The following ZBTB7C variants were observed in gnomAD, a reference collection of about 807,000 sequenced individuals.
ZBTB7C encodes the protein zinc finger and BTB domain containing 7C.
A neutral mutation model predicts 25.7 loss-of-function variants in ZBTB7C; 8 were observed. The observed-to-expected ratio is 0.31, with a 90% CI of 0.18 to 0.56. The LOEUF (loss-of-function observed/expected upper bound fraction) is 0.56. ZBTB7C is among the 20% of genes least tolerant of loss of function. The pLI is 0.91. For synonymous variants in ZBTB7C, 394 were observed against 369.0 expected (o/e 1.07, Z -0.78); for missense variants, 824 against 855.2 (o/e 0.96, Z 0.46).
At chr18:48,065,118 C>T (rs887213121) in intron 3 of ZBTB7C, among the ~76,000 whole-genome samples, 13 of 152,190 alleles carry the variant, frequency 8.5e-5, no homozygotes, top group Admixed American at 1.3e-4. Flanking sequence ...TCCCAGTGCC[C>T]CCCGCCCCCT....
intron 2 of ZBTB7C, among the ~76,000 whole-genome samples, chr18:48,301,523 G>A (rs1316745920): frequency 6.6e-6 from 1 of 152,150 alleles, no homozygotes; most frequent in South Asian, 2.1e-4. Context: ...AGGGGGCTGA[G>A]GGAGGAGTGG....
At chr18:48,254,676 T>C (rs1027873347) in intron 2 of ZBTB7C, among the ~76,000 whole-genome samples, 2 of 152,142 alleles carry the variant, frequency 1.3e-5, no homozygotes, top group Non-Finnish European at 2.9e-5. Flanking sequence ...CAGCTTCCAC[T>C]TTACCCTGCA....
intron 3 of ZBTB7C, among the ~76,000 whole-genome samples, chr18:48,088,961 C>T (rs1199047467): frequency 1.3e-5 from 2 of 152,146 alleles, no homozygotes; most frequent in Non-Finnish European, 2.9e-5. Context: ...CAATGGGCAG[C>T]CACTAAAGAT....
At chr18:48,205,757 A>G (rs929625643) in intron 2 of ZBTB7C, among the ~76,000 whole-genome samples, 1 of 152,060 alleles carries the variant, frequency 6.6e-6, no homozygotes, top group African/African-American at 2.4e-5. Flanking sequence ...TGAAATGACT[A>G]CTAGGTCAAT....
intron 3 of ZBTB7C, among the ~76,000 whole-genome samples, chr18:48,075,154 G>A (rs1830507757): frequency 1.3e-5 from 2 of 152,132 alleles, no homozygotes; most frequent in South Asian, 4.2e-4. Flanking sequence ...CACCCACAGT[G>A]CTACAGGCAT....
At position 48,040,448 on chromosome 18, in the gene ZBTB7C, C is replaced by A. The variant is rs199686439; in HGVS notation, c.660G>T (p.Gly220=). ...ATTCGATGGAGAAGTCCCGGATCACCCCCAGATGGCCAGGACTGCCAGCCT... is the reference window on the plus strand; with the variant it reads ...ATTCGATGGAGAAGTCCCGGATCACACCCAGATGGCCAGGACTGCCAGCCT... The part of the protein sequence containing the change: ...SFQAGSPGHL[G]VIRDFSIESL... Residue 220 remains glycine (G), a synonymous_variant, in exon 4 of 5, where the codon GGG becomes GGT. Transcript: ENST00000590800. 312 of 1,607,094 alleles carry A rather than the reference C, an allele frequency of 1.9e-4. 2 individuals carry two copies. Among genetic ancestry groups the A allele is most frequent in the Non-Finnish European group, 4.5e-5 (53 of 1,176,434 alleles).
intron 1 of ZBTB7C, among the ~76,000 whole-genome samples, chr18:48,385,965 T>C (rs1285579021): frequency 1.3e-5 from 2 of 152,170 alleles, no homozygotes; most frequent in African/African-American, 4.8e-5. Context: ...CCCCTTATGG[T>C]TAGTCACAGA....
intron 2 of ZBTB7C, among the ~76,000 whole-genome samples, chr18:48,220,142 C>T (rs2042915129): frequency 6.9e-6 from 1 of 144,734 alleles, no homozygotes; most frequent in Admixed American, 7.0e-5. Context: ...AGTTCACACA[C>T]TCAGAAACTT....
intron 3 of ZBTB7C, among the ~76,000 whole-genome samples, chr18:48,178,664 C>T (rs1300603736): frequency 1.3e-5 from 2 of 152,224 alleles, no homozygotes; most frequent in African/African-American, 4.8e-5. Context: ...AAAATATTAG[C>T]TGATGCCTGT....
rs2042292937 is a variant in ZBTB7C, at chr18:48,195,338, G to A, written c.-78-9343C>T. On this transcript the variant is annotated intron_variant, in intron 2 of 4. Coordinates refer to ENST00000590800, the MANE Select transcript of ZBTB7C (RefSeq NM_001318841.2). ...CCCCACGTGTTGTGGGAGGGATGTG[G>A]TGGGAGGTAATTGAATCATGGGGGC... Among the ~76,000 whole-genome samples the A allele has an allele frequency of 9.2e-5, 14 of 152,294 alleles. No homozygotes were observed. The South Asian group carries it at 2.9e-3, about 32-fold the overall frequency.
chr18:48,049,334 G>A (rs1168461755), intron 3 of ZBTB7C, among the ~76,000 whole-genome samples: 2 of 152,142 alleles, frequency 1.3e-5, no homozygotes, highest in African/African-American at 2.4e-5. Context: ...GGATCTCGCC[G>A]AGTGGTATGT....
At chr18:48,032,069 C>T (rs2035774021) in intron 4 of ZBTB7C, among the ~76,000 whole-genome samples, 1 of 152,146 alleles carries the variant, frequency 6.6e-6, no homozygotes, top group African/African-American at 2.4e-5. Context: ...TTAAATGCAT[C>T]ATCTCATTAC....
intron 3 of ZBTB7C, among the ~76,000 whole-genome samples, chr18:48,113,299 T>A (rs73956497): frequency 0.079 from 11,968 of 152,304 alleles, 1,386 homozygotes; most frequent in African/African-American, 0.26. Flanking sequence ...GTCTTTCTTG[T>A]ATGGTTATGG....
chr18:48,158,887 C>G (rs775864358), intron 3 of ZBTB7C, among the ~76,000 whole-genome samples: 1 of 152,200 alleles, frequency 6.6e-6, no homozygotes, highest in African/African-American at 2.4e-5. Flanking sequence ...GGGGAAGGGA[C>G]AGGCTACAGG....
intron 3 of ZBTB7C, among the ~76,000 whole-genome samples, chr18:48,055,223 A>C (rs966334259): frequency 6.6e-6 from 1 of 151,796 alleles, no homozygotes; most frequent in Non-Finnish European, 1.5e-5. Context: ...CAGCCTGGCC[A>C]TCATGGTGAA....
chr18:48,250,202 A>G (rs2043806661), intron 2 of ZBTB7C, among the ~76,000 whole-genome samples: 1 of 152,212 alleles, frequency 6.6e-6, no homozygotes, highest in Non-Finnish European at 1.5e-5. Context: ...GCACAGCTTC[A>G]TAGCATAGAA....
At chr18:48,124,586 G>A (rs1032480214) in intron 3 of ZBTB7C, among the ~76,000 whole-genome samples, 3 of 152,166 alleles carry the variant, frequency 2.0e-5, no homozygotes, top group African/African-American at 7.2e-5. Flanking sequence ...GCACCTGCAG[G>A]GGTTTGGAGA....
chr18:48,227,137 A>G (rs532825607), intron 2 of ZBTB7C, among the ~76,000 whole-genome samples: 2 of 152,308 alleles, frequency 1.3e-5, no homozygotes, highest in African/African-American at 4.8e-5. Context: ...TCAAGCCCCA[A>G]GGAGAGCCAG....
chr18:48,162,772 C>T (rs2041110195), intron 3 of ZBTB7C, among the ~76,000 whole-genome samples: 1 of 152,186 alleles, frequency 6.6e-6, no homozygotes, highest in South Asian at 2.1e-4. Flanking sequence ...AGATAATGTA[C>T]AGGGAGTGCC....
Sources: allele counts gnomAD v4.1 joint callset (sites outside exome capture counted in the v4.1 genomes callset), GRCh38; gene constraint gnomAD v4.1.1; transcripts MANE v1.5; gene names NCBI Gene and HGNC (gene_info 2026-07-23, HGNC 2026-07-21).